Variants in INSR observed in about 807,000 individuals in gnomAD.
INSR encodes insulin receptor.
INSR carries 67 observed loss-of-function variants against 142.6 expected under a neutral mutation model. The ratio of observed to expected loss-of-function variants is 0.47; its 90% CI spans 0.39 to 0.58. The LOEUF (loss-of-function observed/expected upper bound fraction) is 0.58, where lower values mean the gene tolerates loss of function less well. Among genes scored for constraint, INSR ranks in the 20% least tolerant of loss-of-function variants. INSR has a pLI of 0.00. For synonymous variants in INSR, 756 were observed against 743.1 expected (o/e 1.02, Z -0.28); for missense variants, 1,248 against 1,833.2 (o/e 0.68, Z 5.83).
At chr19:7,178,458 C>T (rs531084823) in intron 3 of INSR, among the ~76,000 whole-genome samples, 4 of 152,226 alleles carry the variant, frequency 2.6e-5, no homozygotes, top group East Asian at 1.9e-4. Flanking sequence ...CAGTGCCTCA[C>T]GCCTGTAATC....
Position 7,117,053 on chromosome 19 carries a change from C to G in INSR, c.*3G>C, listed in dbSNP as rs1296684328. ...CTGCCCGCCCCCGCCACGGTAGGCACTGTTAGGAAGGATTGGACCGAGGCA... is the reference window on the plus strand; with the variant it reads ...CTGCCCGCCCCCGCCACGGTAGGCAGTGTTAGGAAGGATTGGACCGAGGCA... On this transcript the variant is annotated 3_prime_UTR_variant, in exon 22 of 22. Transcript: ENST00000302850. 6.2e-7 allele frequency: 1 copy of G among 1,613,154 alleles called. No individual in the cohort carries two copies. The highest frequency in any genetic ancestry group is 1.3e-5 in the African/African-American group (1 of 74,878).
intron 2 of INSR, among the ~76,000 whole-genome samples, chr19:7,195,442 A>T (rs1198316280): frequency 1.3e-5 from 2 of 152,110 alleles, no homozygotes; most frequent in African/African-American, 4.8e-5. Flanking sequence ...CAGGAGTTCG[A>T]GACCAGCCTG....
chr19:7,283,716 G>A (rs542071265), intron 1 of INSR, among the ~76,000 whole-genome samples: 4 of 152,146 alleles, frequency 2.6e-5, no homozygotes, highest in Admixed American at 2.0e-4. Context: ...CTGGGATTAC[G>A]GGTATGAGCC....
chr19:7,142,864 C>T lies in INSR; in HGVS notation c.2494G>A (p.Glu832Lys). 6.2e-7 allele frequency: 1 copy of T among 1,614,140 alleles called. No individual in the cohort carries two copies. The highest frequency in any genetic ancestry group is 8.5e-7 in the Non-Finnish European group (1 of 1,180,042). The change falls in exon 12 of 22, where the codon GAA becomes AAA. Residue 832 changes from glutamate (E) to lysine (K), a missense_variant. Coordinates refer to ENST00000302850, the MANE Select transcript of INSR (RefSeq NM_000208.4). ...LQACNQDTPE[E>K]RCSVAAYVSA... ...ACGTAGGCTGCCACACTGCACCGTT[C>T]CTCAGGGGTGTCCTGGTTGCAAGCC...
At chr19:7,218,216 T>C (rs1293774139) in intron 2 of INSR, among the ~76,000 whole-genome samples, 2 of 151,428 alleles carry the variant, frequency 1.3e-5, no homozygotes, top group African/African-American at 2.4e-5. Flanking sequence ...TTGCAACCAG[T>C]GTGGGGTGGG....
rs756962746 is a variant in INSR, at chr19:7,166,351, C to G, written c.1664G>C (p.Ser555Thr). Residue 555 changes from serine (S) to threonine (T), a missense_variant, in exon 8 of 22, where the codon AGT becomes ACT. Around this residue, in one of 3 missense-constraint regions of INSR, gnomAD observed 1,069 missense variants for 1,654.0 expected, o/e 0.65. Coordinates refer to ENST00000302850, the MANE Select transcript of INSR (RefSeq NM_000208.4). This position sits in a 1 kb window ranked among gnomAD's most constrained non-coding sequence, Gnocchi z 4.1. ...FDGQDACGSN[S>T]WTVVDIDPPL... ...TGGGTCAATGTCTACCACCGTCCAACTGTTGGAACCACACGCATCCTGCCC... is the reference window on the plus strand; with the variant it reads ...TGGGTCAATGTCTACCACCGTCCAAGTGTTGGAACCACACGCATCCTGCCC... 2.4e-5 allele frequency: 39 copies of G among 1,614,024 alleles called. No homozygotes were observed. Among genetic ancestry groups the G allele is most frequent in the Non-Finnish European group, 3.3e-5 (39 of 1,180,040 alleles).
intron 1 of INSR, among the ~76,000 whole-genome samples, chr19:7,287,042 G>T (rs1447580059): frequency 6.6e-6 from 1 of 151,454 alleles, no homozygotes; most frequent in African/African-American, 2.4e-5. Context: ...TGGAGACAGG[G>T]TCTTGCTGTG....
intron 1 of INSR, chr19:7,268,736 G>C (rs1967816741): frequency 3.1e-6 from 1 of 320,092 alleles, no homozygotes; most frequent in African/African-American, 3.0e-5. Flanking sequence ...TTTGTTGTTT[G>C]TTGTTGTTGT....
chr19:7,183,617 G>C (rs1466058155), intron 3 of INSR, among the ~76,000 whole-genome samples: 2 of 152,138 alleles, frequency 1.3e-5, no homozygotes, highest in South Asian at 2.1e-4. Context: ...GGGAAGACAC[G>C]AAAGACCTTG....
At position 7,225,441 on chromosome 19, in the gene INSR, G is replaced by T. The variant is rs184558049; in HGVS notation, c.653-40804C>A. Among the ~76,000 whole-genome samples the T allele has an allele frequency of 3.5e-4, 51 of 145,012 alleles. No homozygotes were observed. The highest frequency in any genetic ancestry group is 7.0e-3 in the Middle Eastern group (2 of 286). ...TTGAGTGACACTCTCTGATTCTCCA[G>T]TGTACCATGTCACCAATTAGGTGTT... On this transcript the variant is annotated intron_variant, in intron 2 of 21. Coordinates refer to ENST00000302850, the MANE Select transcript of INSR (RefSeq NM_000208.4). The surrounding 1 kb of genome is among the most constrained non-coding windows in gnomAD (Gnocchi z 4.7).
At chr19:7,255,973 G>A (rs73002097) in intron 2 of INSR, among the ~76,000 whole-genome samples, 27,777 of 151,910 alleles carry the variant, frequency 0.18, 3,045 homozygotes, top group Non-Finnish European at 0.25. Flanking sequence ...AAAGGCCAAC[G>A]GCAATTCATC....
At chr19:7,127,272 C>T (rs572115442) in intron 15 of INSR, among the ~76,000 whole-genome samples, 5 of 152,236 alleles carry the variant, frequency 3.3e-5, no homozygotes, top group South Asian at 4.1e-4. Context: ...TGTTCTAGAG[C>T]GAGCTCATCC....
At chr19:7,278,381 G>T (rs1968119199) in intron 1 of INSR, among the ~76,000 whole-genome samples, 1 of 152,170 alleles carries the variant, frequency 6.6e-6, no homozygotes, top group Non-Finnish European at 1.5e-5. Context: ...AAAGCCCTGG[G>T]ACCTAAAAGC....
rs146440121 is a variant in INSR, at chr19:7,271,642, G to T, written c.101-3746C>A. On this transcript the variant is annotated intron_variant, in intron 1 of 21. Transcript: ENST00000302850. ...ATATGACCTGGCAATTCCACTCCTA[G>T]GTAACTACCTAAGAGAAATGATACT... Among the ~76,000 whole-genome samples the T allele has an allele frequency of 2.3e-3, 352 of 152,258 alleles. 1 individual carries two copies. The highest frequency in any genetic ancestry group is 0.019 in the East Asian group (96 of 5,182).
intron 2 of INSR, among the ~76,000 whole-genome samples, chr19:7,197,044 T>C (rs1346457520): frequency 6.6e-6 from 1 of 152,118 alleles, no homozygotes; most frequent in Non-Finnish European, 1.5e-5. Context: ...ATCTAGTAAA[T>C]GATTTAATGG....
intron 1 of INSR, among the ~76,000 whole-genome samples, chr19:7,271,712 T>C (rs1406991250): frequency 6.6e-6 from 1 of 152,132 alleles, no homozygotes; most frequent in Admixed American, 6.5e-5. Context: ...ATAGCAGCAT[T>C]ATTCATAATA....
intron 2 of INSR, among the ~76,000 whole-genome samples, chr19:7,263,587 TG>T (rs1405002662): frequency 2.6e-5 from 4 of 152,236 alleles, no homozygotes; most frequent in Admixed American, 6.5e-5. Context: ...TTTTTGTTTT[TG>T]TTTTCTTTTG....
intron 2 of INSR, among the ~76,000 whole-genome samples, chr19:7,222,754 G>A (rs146125515): frequency 6.7e-4 from 102 of 152,244 alleles, no homozygotes; most frequent in African/African-American, 2.4e-3. Context: ...AAACAGCTGT[G>A]TCCTTGGGGA....
chr19:7,130,835 C>T (rs1043234256), intron 14 of INSR, among the ~76,000 whole-genome samples: 11 of 150,178 alleles, frequency 7.3e-5, no homozygotes, highest in Non-Finnish European at 1.2e-4. Context: ...TCTTTCTTTC[C>T]TTTTCTTTCT....
Sources: allele counts gnomAD v4.1 joint callset (sites outside exome capture counted in the v4.1 genomes callset), GRCh38; gene constraint gnomAD v4.1.1; regional missense constraint gnomAD v4.1.1; non-coding constraint Gnocchi (gnomAD v3.1); transcripts MANE v1.5; gene names NCBI Gene and HGNC (gene_info 2026-07-23, HGNC 2026-07-21).